The following ACOT8 variants were observed in gnomAD, a reference collection of about 807,000 sequenced individuals.
The protein encoded by ACOT8 is acyl-coenzyme A thioesterase 8.
ACOT8 carries 31 observed loss-of-function variants against 38.4 expected under a neutral mutation model. That is an observed-to-expected ratio of 0.81 (90% CI 0.61 to 1.09). The LOEUF (loss-of-function observed/expected upper bound fraction) is 1.09. Among genes scored for constraint, ACOT8 ranks in the 50% least tolerant of loss-of-function variants. The probability of loss-of-function intolerance (pLI) is 0.00; values close to 1 mark genes in which losing one functional copy is unlikely to be tolerated. For synonymous variants in ACOT8, 158 were observed against 170.3 expected (o/e 0.93, Z 0.56); for missense variants, 373 against 421.8 (o/e 0.88, Z 1.01).
rs745559981 is a variant in ACOT8, at chr20:45,844,324, CA to C, written c.584del (p.Leu195ArgfsTer26). ...IEIKPVNPSP[L>X]SQLQRMEPKQ... ...TGGGCTCCATTCTCTGCAGCTGGCT[CA>C]GGGGGGATGGGTTTACTGGCTTGAT... On this transcript the variant is annotated frameshift_variant, in exon 4 of 6. Transcript: ENST00000217455. LOFTEE classifies it high-confidence loss of function. 9.3e-6 allele frequency: 15 copies of C among 1,614,056 alleles called. No individual in the cohort carries two copies. The Admixed American group carries it at 1.5e-4, about 16-fold the overall frequency.
chr20:45,842,206 G>A, intron 5 of ACOT8: 4 of 1,455,296 alleles, frequency 2.7e-6, no homozygotes, highest in Non-Finnish European at 3.6e-6. Flanking sequence ...GGTGCACTGA[G>A]TGTCGTGGCT....
At chr20:45,857,086 G>T in intron 1 of ACOT8, 102 bp downstream of exon 1, 3 of 1,384,598 alleles carry the variant, frequency 2.2e-6, no homozygotes, top group East Asian at 2.3e-5. Context: ...TGCATCCCAC[G>T]CAGAGCCATA....
intron 2 of ACOT8, among the ~76,000 whole-genome samples, chr20:45,852,222 C>G (rs1248646898): frequency 1.3e-5 from 2 of 151,832 alleles, no homozygotes; most frequent in Non-Finnish European, 2.9e-5. Context: ...GGCTGGAGTA[C>G]AGTAGCACGA....
At chr20:45,843,942 C>T in intron 4 of ACOT8, 1 of 971,550 alleles carries the variant, frequency 1.0e-6, no homozygotes, top group Non-Finnish European at 1.5e-6. Context: ...CCACCCAAGT[C>T]TCCCACTCTA....
intron 2 of ACOT8, among the ~76,000 whole-genome samples, chr20:45,852,870 G>A (rs1425595181): frequency 6.6e-6 from 1 of 152,160 alleles, no homozygotes; most frequent in Non-Finnish European, 1.5e-5. Context: ...CTGAGTTCAA[G>A]CAATTCTCCT....
Position 45,841,865 on chromosome 20 carries a change from C to T in ACOT8, c.933G>A (p.Lys311=), listed in dbSNP as rs1268462468. Residue 311 remains lysine, a synonymous_variant, in exon 6 of 6, where the codon AAG becomes AAA. Transcript: ENST00000217455. ...ACAGCTTGCTCTCTGAGACCTGGGG[C>T]TTCACTCGGATCACGCCCTCCTGGG... ...TCAQEGVIRV[K]PQVSESKL is the part of the protein sequence containing the mutation. 1.2e-5 allele frequency: 20 copies of T among 1,607,264 alleles called. No homozygotes were observed. The highest frequency in any genetic ancestry group is 1.6e-5 in the Non-Finnish European group (19 of 1,178,052).
chr20:45,854,734 G>A (rs925378468), intron 2 of ACOT8, among the ~76,000 whole-genome samples: 1 of 152,108 alleles, frequency 6.6e-6, no homozygotes, highest in Non-Finnish European at 1.5e-5. Flanking sequence ...ATGCTCAGTT[G>A]ACAAAAGAAG....
chr20:45,854,451 C>A lies in ACOT8; in HGVS notation c.262+708G>T, dbSNP rs569631665. Among the ~76,000 whole-genome samples the A allele has an allele frequency of 2.6e-5, 4 of 152,276 alleles. No homozygotes were observed. In the South Asian group the frequency reaches 8.3e-4, roughly 32 times the overall value. ...GGTCCCGATCTCCTGACCTCGTGAT[C>A]CGCCCGCCTTGGCCTCCAAAGTGCT... On this transcript the variant is annotated intron_variant, in intron 2 of 5. Transcript: ENST00000217455.
intron 1 of ACOT8, among the ~76,000 whole-genome samples, chr20:45,856,807 T>C (rs192867999): frequency 6.6e-6 from 1 of 152,242 alleles, no homozygotes; most frequent in Non-Finnish European, 1.5e-5. Flanking sequence ...GGCGGGATAT[T>C]GTGAGAAGAA....
At chr20:45,852,670 C>A (rs1985142853) in intron 2 of ACOT8, among the ~76,000 whole-genome samples, 1 of 152,152 alleles carries the variant, frequency 6.6e-6, no homozygotes, top group Admixed American at 6.6e-5. Context: ...GGCCTAATGT[C>A]CTTTGACTTT....
intron 2 of ACOT8, chr20:45,853,939 C>T: frequency 7.7e-7 from 1 of 1,304,342 alleles, no homozygotes; most frequent in Non-Finnish European, 1.0e-6. Context: ...GGTCCACAAA[C>T]TCTTCTCAGC....
chr20:45,843,814 G>A, intron 4 of ACOT8, 93 bp from the exon 5 acceptor site: 1 of 1,527,610 alleles, frequency 6.5e-7, no homozygotes, highest in Non-Finnish European at 8.8e-7. Context: ...GTGCATGGGT[G>A]TGCAGACTGG....
chr20:45,849,624 T>C (rs572872015), intron 2 of ACOT8, among the ~76,000 whole-genome samples: 3 of 152,240 alleles, frequency 2.0e-5, no homozygotes, highest in East Asian at 3.9e-4. Flanking sequence ...CAAATTTTTG[T>C]ATTTTTTGTA....
chr20:45,842,121 G>A lies in ACOT8; in HGVS notation c.842-165C>T, dbSNP rs1391498617. 5.9e-6 allele frequency: 9 copies of A among 1,533,056 alleles called. No homozygotes were observed. The East Asian group carries it at 7.3e-5, about 12-fold the overall frequency. The allele number at this position is 1,533,056 out of a possible 1,614,324, so 95.0% of individuals were successfully genotyped here. On this transcript the variant is annotated intron_variant, in intron 5 of 5. Coordinates refer to ENST00000217455, the MANE Select transcript of ACOT8 (RefSeq NM_005469.4). The stretch of plus-strand genomic sequence containing the variant: ...CTCCTGAGCAGCTGGGATTACAGGC[G>A]CACATCACCATGCCCAACCTCCAAG...
At chr20:45,843,064 A>C (rs1183543845) in intron 5 of ACOT8, 11 of 1,147,856 alleles carry the variant, frequency 9.6e-6, no homozygotes, top group Non-Finnish European at 9.8e-6. Flanking sequence ...ACTTAAAAAT[A>C]CAGTTTCCTG....
At position 45,844,253 on chromosome 20, in the gene ACOT8, G is replaced by A; in HGVS notation, c.646+10C>T. 5 of 1,614,132 alleles carry A rather than the reference G, an allele frequency of 3.1e-6. No homozygotes were observed. The highest frequency in any genetic ancestry group is 4.2e-6 in the Non-Finnish European group (5 of 1,180,016). ...AGAGTGGTTTCCTCCCATCCATGGG[G>A]TACTCTTACCAATATAGCCCCGGGC... On this transcript the variant is annotated intron_variant, in intron 4 of 5. Transcript: ENST00000217455.
chr20:45,851,296 A>G (rs1427382507), intron 2 of ACOT8, among the ~76,000 whole-genome samples: 1 of 152,214 alleles, frequency 6.6e-6, no homozygotes, highest in East Asian at 1.9e-4. Context: ...GACACTAGAC[A>G]AAGTTACTTG....
At chr20:45,851,304 T>C (rs903430130) in intron 2 of ACOT8, among the ~76,000 whole-genome samples, 3 of 152,190 alleles carry the variant, frequency 2.0e-5, no homozygotes, top group Admixed American at 6.5e-5. Flanking sequence ...ACAAAGTTAC[T>C]TGTGCAGTCT....
chr20:45,844,660 T>C (rs1460776973), intron 3 of ACOT8, among the ~76,000 whole-genome samples: 1 of 152,200 alleles, frequency 6.6e-6, no homozygotes, highest in Admixed American at 6.5e-5. Context: ...ATGTGGATAA[T>C]GATAGTAACC....
Sources: allele counts gnomAD v4.1 joint callset (sites outside exome capture counted in the v4.1 genomes callset), GRCh38; gene constraint gnomAD v4.1.1; transcripts MANE v1.5; gene names NCBI Gene and HGNC (gene_info 2026-07-23, HGNC 2026-07-21).